The following GCA variants were observed in gnomAD, a reference collection of about 807,000 sequenced individuals.
GCA encodes grancalcin, EF-hand calcium-binding protein.
In GCA, 30 loss-of-function variants were observed where a neutral mutation model predicts 32.6. The ratio of observed to expected loss-of-function variants is 0.92; its 90% CI spans 0.69 to 1.25. The LOEUF (loss-of-function observed/expected upper bound fraction) is 1.25. Ranked by LOEUF, GCA falls within the 50% of genes most tolerant of loss-of-function variation. The probability of loss-of-function intolerance (pLI) is 0.00; values close to 1 mark genes in which losing one functional copy is unlikely to be tolerated. For synonymous variants in GCA, 102 were observed against 84.6 expected, an observed-to-expected ratio of 1.21 and a Z score of -1.13; for missense variants, 291 against 266.8, an observed-to-expected ratio of 1.09 and a Z score of -0.63.
At chr2:162,323,648 C>A (rs2105254760) in intron 1 of GCA, among the ~76,000 whole-genome samples, 1 of 152,004 alleles carries the variant, frequency 6.6e-6, no homozygotes, top group East Asian at 1.9e-4. Context: ...TTTCCCAGCA[C>A]CATTTATTAA....
At chr2:162,360,086 AT>A in intron 7 of GCA, 130 bp from the exon 8 acceptor site, 4 of 598,436 alleles carry the variant, frequency 6.7e-6, no homozygotes, top group Non-Finnish European at 1.2e-5. Context: ...ACTGATATTT[AT>A]TGGCTTGAAT....
chr2:162,357,380 A>C (rs897429014), intron 5 of GCA, among the ~76,000 whole-genome samples: 3 of 151,788 alleles, frequency 2.0e-5, no homozygotes, highest in African/African-American at 4.8e-5. Context: ...GTAATTTAGA[A>C]GTATATAACT....
chr2:162,338,059 C>T (rs144352535), intron 1 of GCA, among the ~76,000 whole-genome samples: 8 of 152,280 alleles, frequency 5.3e-5, no homozygotes, highest in East Asian at 1.9e-4. Flanking sequence ...GTTATTACTA[C>T]GTTTCCTCTG....
chr2:162,374,150 C>G (rs984014869), downstream of GCA, among the ~76,000 whole-genome samples: 2 of 152,096 alleles, frequency 1.3e-5, no homozygotes, highest in Non-Finnish European at 2.9e-5. Flanking sequence ...CTGTCCTATT[C>G]ATATTAAGTA....
chr2:162,373,431 T>C (rs370107892), downstream of GCA: 2 of 1,390,156 alleles, frequency 1.4e-6, no homozygotes, highest in African/African-American at 3.0e-5. Context: ...GGAAACACAC[T>C]GTGAGAGACA....
In GCA at chr2:162,326,782, T is replaced by C. The variant is rs1324718011; in HGVS notation, c.-31+7557T>C. ...ATCTGCCTGCCTTGGCCTCCCAAAG[T>C]GCTGGGATTACAGGCATGAGCCACC... On this transcript the variant is annotated intron_variant, in intron 1 of 4. Transcript: ENST00000429691. 4.6e-5 allele frequency among the ~76,000 whole-genome samples: 7 copies of C among 152,174 alleles called. No individual in the cohort carries two copies. The South Asian group carries it at 6.2e-4, about 13-fold the overall frequency.
Position 162,320,236 on chromosome 2 carries a change from C to T in GCA, c.-31+1011C>T, listed in dbSNP as rs60110417. 4.5e-3 allele frequency among the ~76,000 whole-genome samples: 692 copies of T among 152,242 alleles called. 7 individuals carry two copies. Among genetic ancestry groups the T allele is most frequent in the African/African-American group, 0.016 (660 of 41,538 alleles). On this transcript the variant is annotated intron_variant, in intron 1 of 4. Transcript: ENST00000429691. Reference sequence around the variant, plus strand: ...GTTCTTTTCTGTTTCTTCACAGAACCCTACTCCTTTTTCACTTAATTTTGG... The same window carrying T: ...GTTCTTTTCTGTTTCTTCACAGAACTCTACTCCTTTTTCACTTAATTTTGG...
Position 162,352,420 on chromosome 2 carries a change from T to A in GCA, c.262+13T>A, listed in dbSNP as rs373171334. The A allele has an allele frequency of 6.8e-7, 1 of 1,470,790 alleles. No individual in the cohort carries two copies. The highest frequency in any genetic ancestry group is 9.5e-7 in the Non-Finnish European group (1 of 1,055,934). 91.1% of individuals were successfully genotyped at this position (1,470,790 alleles called of 1,614,324 possible). A position where few individuals can be genotyped will look rare whatever the true frequency, so the allele number is the denominator to read the frequency against. On this transcript the variant is annotated intron_variant, in intron 3 of 7. Transcript: ENST00000437150. The stretch of plus-strand genomic sequence containing the variant: ...GGAACTTACTCTCGTGAGATCTTTT[T>A]TCCCCTTTTGTTGAAATTATAATAG...
chr2:162,352,659 A>G (rs1410802982), intron 3 of GCA, among the ~76,000 whole-genome samples: 1 of 152,152 alleles, frequency 6.6e-6, no homozygotes, highest in African/African-American at 2.4e-5. Flanking sequence ...ATTTGCTTCC[A>G]GATTTCAAGA....
intron 1 of GCA, 42 bp from the exon 2 acceptor site, chr2:162,347,536 T>C (rs780668935): frequency 4.1e-6 from 5 of 1,223,196 alleles, no homozygotes; most frequent in African/African-American, 1.5e-5. Context: ...AGATAATAGG[T>C]AGTATTTATA....
chr2:162,331,174 A>G (rs1008805559), intron 1 of GCA, among the ~76,000 whole-genome samples: 3 of 152,230 alleles, frequency 2.0e-5, no homozygotes, highest in Admixed American at 6.5e-5. Context: ...ATATACTACA[A>G]AAAGGATACT....
downstream of GCA, among the ~76,000 whole-genome samples, chr2:162,375,243 A>G (rs1023311949): frequency 3.3e-5 from 5 of 152,220 alleles, no homozygotes; most frequent in Admixed American, 6.5e-5. Flanking sequence ...ATTGAATGTA[A>G]AAGGATTTGG....
intron 2 of GCA, among the ~76,000 whole-genome samples, chr2:162,349,373 T>C (rs754206273): frequency 2.0e-5 from 3 of 152,084 alleles, no homozygotes; most frequent in Non-Finnish European, 4.4e-5. Flanking sequence ...AATGAGCTTG[T>C]CTTTTTTTTT....
At chr2:162,352,560 T>C (rs1197815349) in intron 3 of GCA, among the ~76,000 whole-genome samples, 153 bp downstream of exon 3, 3 of 152,174 alleles carry the variant, frequency 2.0e-5, no homozygotes, top group Non-Finnish European at 4.4e-5. Flanking sequence ...GTTATGAAAA[T>C]AACTGTTCAT....
chr2:162,370,842 C>A (rs191448650), intron 4 of GCA, among the ~76,000 whole-genome samples: 1 of 152,008 alleles, frequency 6.6e-6, no homozygotes, highest in African/African-American at 2.4e-5. Flanking sequence ...AGGCCTGCTG[C>A]ACTCTTGACC....
At position 162,360,662 on chromosome 2, in the gene GCA, T is replaced by G; in HGVS notation, c.*419T>G. On this transcript the variant is annotated 3_prime_UTR_variant, in exon 8 of 8. Coordinates refer to ENST00000437150, the MANE Select transcript of GCA (RefSeq NM_012198.5). ...ACTTTTAAATTTTCTTTGTAGTTGGTGGTGTTTGAGGGTTGGCTAGAAATG... is the reference window on the plus strand; with the variant it reads ...ACTTTTAAATTTTCTTTGTAGTTGGGGGTGTTTGAGGGTTGGCTAGAAATG... The G allele has an allele frequency of 1.5e-6, 2 of 1,294,630 alleles. No individual in the cohort carries two copies. The highest frequency in any genetic ancestry group is 4.9e-5 in the South Asian group (2 of 40,574). 80.2% of individuals were successfully genotyped at this position (1,294,630 alleles called of 1,614,324 possible).
intron 3 of GCA, among the ~76,000 whole-genome samples, chr2:162,354,721 G>C (rs932220018): frequency 6.6e-6 from 1 of 152,080 alleles, no homozygotes; most frequent in East Asian, 1.9e-4. Flanking sequence ...TCAGATCTAG[G>C]TTGGTTAACT....
intron 1 of GCA, among the ~76,000 whole-genome samples, chr2:162,339,051 G>A (rs1001413387): frequency 1.3e-5 from 2 of 152,168 alleles, no homozygotes; most frequent in African/African-American, 4.8e-5. Context: ...GTTATTGAGA[G>A]CTTAGCTGAA....
chr2:162,341,982 T>A (rs1385430756), upstream of GCA, among the ~76,000 whole-genome samples: 1 of 152,170 alleles, frequency 6.6e-6, no homozygotes, highest in Admixed American at 6.5e-5. Flanking sequence ...ACTATTTTTA[T>A]AAAGTAAAGA....
Sources: gnomAD v4.1 joint callset for allele counts (sites outside exome capture counted in the v4.1 genomes callset) on GRCh38, gnomAD v4.1.1 for gene constraint, MANE v1.5 for transcripts, NCBI Gene and HGNC (gene_info 2026-07-23, HGNC 2026-07-21) for gene names.